The following IGSF21 variants were observed in gnomAD, a reference collection of about 807,000 sequenced individuals.
The protein encoded by IGSF21 is immunoglobin superfamily member 21, also known as immunoglobulin superfamily member 21.
Under a neutral mutation model 46.8 loss-of-function variants are expected in IGSF21, and 28 were observed. That is an observed-to-expected ratio of 0.60 (90% CI 0.44 to 0.82). IGSF21 has a LOEUF of 0.82. Ranked by LOEUF, IGSF21 falls within the 40% of genes least tolerant of loss-of-function variation. The pLI is 0.00. For missense variants in IGSF21, 624 were observed against 665.5 expected (o/e 0.94, Z 0.69); for synonymous variants, 284 against 273.6 (o/e 1.04, Z -0.38).
At chr1:18,110,732 C>G (rs1255393085) in intron 1 of IGSF21, 1 of 152,416 alleles carries the variant, frequency 6.6e-6, no homozygotes, top group Non-Finnish European at 1.5e-5. Context: ...CTCGGGACTC[C>G]TGGGCGTGTC....
intron 4 of IGSF21, among the ~76,000 whole-genome samples, chr1:18,336,132 A>G (rs765030824): frequency 3.3e-5 from 5 of 152,210 alleles, no homozygotes; most frequent in Non-Finnish European, 5.9e-5. Context: ...CCTACCTATG[A>G]GGTGGCCGGG....
chr1:18,337,886 T>G lies in IGSF21; in HGVS notation c.424+2876T>G, dbSNP rs1044626203. ...AGAGACTGAGACCCAGGGAAGGGAATGAATTTGCTCCAGGCCTTATAGGGT... is the reference window on the plus strand; with the variant it reads ...AGAGACTGAGACCCAGGGAAGGGAAGGAATTTGCTCCAGGCCTTATAGGGT... On this transcript the variant is annotated intron_variant, in intron 4 of 9. Transcript: ENST00000251296. The surrounding 1 kb of genome is among the most constrained non-coding windows in gnomAD (Gnocchi z 5.7). 1.3e-5 allele frequency among the ~76,000 whole-genome samples: 2 copies of G among 152,126 alleles called. No homozygotes were observed. Among genetic ancestry groups the G allele is most frequent in the Admixed American group, 6.5e-5 (1 of 15,280 alleles).
chr1:18,374,979 C>T (rs1432689712), intron 6 of IGSF21, among the ~76,000 whole-genome samples: 2 of 152,204 alleles, frequency 1.3e-5, no homozygotes, highest in Non-Finnish European at 1.5e-5. Flanking sequence ...CCTCCCTGAC[C>T]TGCCTCTGTC....
At chr1:18,145,354 T>C (rs1235073447) in intron 1 of IGSF21, among the ~76,000 whole-genome samples, 1 of 152,052 alleles carries the variant, frequency 6.6e-6, no homozygotes, top group African/African-American at 2.4e-5. Flanking sequence ...TAAACCACCA[T>C]GGGGAGCTTT....
chr1:18,280,185 C>T (rs1414672098), intron 2 of IGSF21, among the ~76,000 whole-genome samples: 2 of 152,146 alleles, frequency 1.3e-5, no homozygotes, highest in Non-Finnish European at 2.9e-5. Context: ...GCCAGAACCT[C>T]ACACACAGGT....
chr1:18,249,398 G>C (rs1270162170), intron 2 of IGSF21, among the ~76,000 whole-genome samples: 2 of 152,162 alleles, frequency 1.3e-5, no homozygotes, highest in East Asian at 3.9e-4. Context: ...CCAGGTGCCT[G>C]CTAGACACAC....
chr1:18,286,610 A>G lies in IGSF21; in HGVS notation c.184-5256A>G, dbSNP rs1569728094. ...CTGCTGGTTCCTTTTGGAGCCTCAC[A>G]TCGGAGGTGGTCTGAGGCCACTGTC... is the stretch of plus-strand genomic sequence containing the variant. On this transcript the variant is annotated intron_variant, in intron 2 of 9. Transcript: ENST00000251296. Among the ~76,000 whole-genome samples, 3 of 152,366 alleles carry G rather than the reference A, an allele frequency of 2.0e-5. No homozygotes were observed. The South Asian group carries it at 6.2e-4, about 32-fold the overall frequency.
chr1:18,244,339 C>T (rs1475031526), intron 2 of IGSF21, among the ~76,000 whole-genome samples: 2 of 152,238 alleles, frequency 1.3e-5, no homozygotes, highest in Non-Finnish European at 2.9e-5. Context: ...TCACCTCCCT[C>T]TCCCTTTCCA....
At chr1:18,360,967 A>G (rs1226772709) in intron 4 of IGSF21, among the ~76,000 whole-genome samples, 3 of 141,380 alleles carry the variant, frequency 2.1e-5, no homozygotes, top group Non-Finnish European at 4.8e-5. Flanking sequence ...GCCCCTTGCG[A>G]TGCCCCACGG....
chr1:18,176,460 G>C (rs1466406364), intron 1 of IGSF21, among the ~76,000 whole-genome samples: 1 of 152,190 alleles, frequency 6.6e-6, no homozygotes, highest in Non-Finnish European at 1.5e-5. Flanking sequence ...TTGAACCTTA[G>C]GGGTCCCATC....
In IGSF21 at chr1:18,365,664, C is replaced by T; in HGVS notation, c.982C>T (p.Leu328=). The T allele has an allele frequency of 1.2e-6, 2 of 1,613,872 alleles. No homozygotes were observed. The highest frequency in any genetic ancestry group is 1.7e-6 in the Non-Finnish European group (2 of 1,179,806). The change falls in exon 6 of 10, where the codon CTG becomes TTG. Residue 328 remains leucine (L), a synonymous_variant. Coordinates refer to ENST00000251296, the MANE Select transcript of IGSF21 (RefSeq NM_032880.5). The surrounding 1 kb of genome is among the most constrained non-coding windows in gnomAD (Gnocchi z 4.8). ...CAGCTGCGAGGTCAAGCACCCAGCT[C>T]TGTCGATGCCCATGCAGGCAGAGGT... ...LFSCEVKHPA[L]SMPMQAEVTL...
intron 1 of IGSF21, among the ~76,000 whole-genome samples, chr1:18,140,278 C>T (rs958985856): frequency 6.6e-6 from 1 of 152,220 alleles, no homozygotes; most frequent in African/African-American, 2.4e-5. Flanking sequence ...TACCCTGTCT[C>T]GCCTAGTTCC....
intron 1 of IGSF21, among the ~76,000 whole-genome samples, chr1:18,212,682 G>T (rs559470855): frequency 1.9e-4 from 29 of 152,312 alleles, no homozygotes; most frequent in African/African-American, 7.0e-4. Flanking sequence ...CCCAGGGGGG[G>T]TCCTGGCCCC....
chr1:18,122,933 T>G (rs2086247944), intron 1 of IGSF21, among the ~76,000 whole-genome samples: 1 of 152,174 alleles, frequency 6.6e-6, no homozygotes. Context: ...AGCCAGATTT[T>G]TTATTAATTC....
intron 3 of IGSF21, among the ~76,000 whole-genome samples, chr1:18,293,174 A>C (rs1158300457): frequency 2.6e-5 from 4 of 152,232 alleles, no homozygotes; most frequent in African/African-American, 4.8e-5. Context: ...AGGACAAGGC[A>C]CATGCTCCTC....
chr1:18,366,425 A>G (rs1469921593), intron 6 of IGSF21, among the ~76,000 whole-genome samples: 2 of 151,904 alleles, frequency 1.3e-5, no homozygotes, highest in African/African-American at 2.4e-5. Flanking sequence ...CAAGGAGAGG[A>G]ACCTTGAGGT....
chr1:18,339,585 T>C (rs1397768491), intron 4 of IGSF21, among the ~76,000 whole-genome samples: 1 of 152,054 alleles, frequency 6.6e-6, no homozygotes, highest in African/African-American at 2.4e-5. Flanking sequence ...TTAGCTGGGC[T>C]GTGGTGGTAT....
At chr1:18,285,668 T>G (rs2085206182) in intron 2 of IGSF21, among the ~76,000 whole-genome samples, 1 of 152,168 alleles carries the variant, frequency 6.6e-6, no homozygotes, top group Non-Finnish European at 1.5e-5. Context: ...CTGGCTGAGA[T>G]GCTCTCAGCA....
chr1:18,282,510 T>C (rs1183399696), intron 2 of IGSF21, among the ~76,000 whole-genome samples: 1 of 151,916 alleles, frequency 6.6e-6, no homozygotes, highest in Non-Finnish European at 1.5e-5. Flanking sequence ...CTGATAGAGT[T>C]TGGGGGGCTC....
Sources: gnomAD v4.1 joint callset for allele counts (sites outside exome capture counted in the v4.1 genomes callset) on GRCh38, gnomAD v4.1.1 for gene constraint, Gnocchi (gnomAD v3.1) non-coding constraint, MANE v1.5 for transcripts, NCBI Gene and HGNC (gene_info 2026-07-23, HGNC 2026-07-21) for gene names.